The following CSNK2A1 variants were observed in gnomAD, a reference collection of about 807,000 sequenced individuals.
CSNK2A1 encodes the protein casein kinase 2 alpha 1, also known as casein kinase II subunit alpha.
In CSNK2A1, 10 loss-of-function variants were observed where a neutral mutation model predicts 62.9. The ratio of observed to expected loss-of-function variants is 0.16; its 90% CI spans 0.10 to 0.27. The LOEUF is 0.27. Among genes scored for constraint, CSNK2A1 ranks in the 10% least tolerant of loss-of-function variants. The pLI, the probability that CSNK2A1 is intolerant of heterozygous loss-of-function variation, is 1.00. For missense variants in CSNK2A1, 160 were observed against 492.0 expected, an observed-to-expected ratio of 0.33 and a Z score of 6.38; for synonymous variants, 124 against 167.8, an observed-to-expected ratio of 0.74 and a Z score of 2.02.
At position 472,992 on chromosome 20, in the gene CSNK2A1, A is replaced by C. The variant is rs1259020464; in HGVS notation, c.*10969T>G. On this transcript the variant is annotated 3_prime_UTR_variant, in exon 14 of 14. Transcript: ENST00000217244. ...CACTGCACTTCAGCCTGGGCAACAG[A>C]GCAAGACCTTGTCTCTAAAAAGTAA... The C allele has an allele frequency of 6.6e-6, 1 of 152,364 alleles. No individual in the cohort carries two copies. The highest frequency in any genetic ancestry group is 2.4e-5 in the African/African-American group (1 of 41,456). The allele number at this position is 152,364 out of a possible 1,614,324, so 9.4% of individuals were successfully genotyped here.
At chr20:486,334 G>T (rs1333186330) in intron 13 of CSNK2A1, 42 bp downstream of exon 13, 1 of 1,608,560 alleles carries the variant, frequency 6.2e-7, no homozygotes, top group South Asian at 1.1e-5. Flanking sequence ...AACAGTAATT[G>T]ACTTCCACAT....
chr20:531,561 T>G (rs374072404), intron 1 of CSNK2A1, among the ~76,000 whole-genome samples: 1 of 152,136 alleles, frequency 6.6e-6, no homozygotes. Context: ...TAAAGCAGCA[T>G]GTACATGTAC....
At chr20:515,138 G>A (rs537649553) in intron 2 of CSNK2A1, among the ~76,000 whole-genome samples, 2 of 152,320 alleles carry the variant, frequency 1.3e-5, no homozygotes, top group East Asian at 1.9e-4. Flanking sequence ...AGTAGCACAC[G>A]TGAGAGAAAT....
chr20:541,618 A>C (rs1403939343), intron 1 of CSNK2A1, among the ~76,000 whole-genome samples: 5 of 152,208 alleles, frequency 3.3e-5, no homozygotes, highest in African/African-American at 1.2e-4. Flanking sequence ...ATGGAAAAGG[A>C]GTTGCCACCT....
intron 2 of CSNK2A1, among the ~76,000 whole-genome samples, chr20:516,379 T>G (rs1242132786): frequency 6.6e-6 from 1 of 152,302 alleles, no homozygotes; most frequent in African/African-American, 2.4e-5. Context: ...ACGAAAAAAG[T>G]ATCATGTCAA....
chr20:490,321 C>CTGGCTAGT (rs1184278352), intron 9 of CSNK2A1, among the ~76,000 whole-genome samples: 3 of 111,876 alleles, frequency 2.7e-5, no homozygotes, highest in Non-Finnish European at 5.5e-5. Flanking sequence ...CCCACCGTGC[C>CTGGCTAGT]TGGCTAGTTT....
At chr20:525,809 G>A (rs964011941) in intron 2 of CSNK2A1, among the ~76,000 whole-genome samples, 1 of 137,720 alleles carries the variant, frequency 7.3e-6, no homozygotes, top group Non-Finnish European at 1.5e-5. Flanking sequence ...GTGAGACCCT[G>A]TCTCTATTTT....
intron 2 of CSNK2A1, among the ~76,000 whole-genome samples, chr20:509,382 T>C (rs1476583663): frequency 6.6e-6 from 1 of 152,098 alleles, no homozygotes; most frequent in Non-Finnish European, 1.5e-5. Flanking sequence ...CGGGGGAAAA[T>C]AAGTAAGATG....
intron 1 of CSNK2A1, among the ~76,000 whole-genome samples, chr20:535,378 C>T (rs2122651957): frequency 6.6e-6 from 1 of 152,300 alleles, no homozygotes; most frequent in East Asian, 1.9e-4. Context: ...AATTGCTAGG[C>T]AATAGTCTAT....
Position 528,056 on chromosome 20 carries a change from A to G in CSNK2A1, c.-226-7T>C, listed in dbSNP as rs1325757753. On this transcript the variant is annotated splice_region_variant and splice_polypyrimidine_tract_variant and intron_variant, in intron 1 of 13. Transcript: ENST00000217244. ...TTGACAAGCCTTGATAGAGCTACAAAAACAGTTCAGTACTCCGTTACTGAA... is the reference window on the plus strand; with the variant it reads ...TTGACAAGCCTTGATAGAGCTACAAGAACAGTTCAGTACTCCGTTACTGAA... 6.6e-6 allele frequency: 1 copy of G among 152,176 alleles called. No individual in the cohort carries two copies. Among genetic ancestry groups the G allele is most frequent in the Non-Finnish European group, 1.5e-5 (1 of 68,042 alleles). The allele number at this position is 152,176 out of a possible 1,614,324, so 9.4% of individuals were successfully genotyped here.
At position 473,126 on chromosome 20, in the gene CSNK2A1, G is replaced by C. The variant is rs1309310002; in HGVS notation, c.*10835C>G. On this transcript the variant is annotated 3_prime_UTR_variant, in exon 14 of 14. Transcript: ENST00000217244. Reference sequence around the variant, plus strand: ...CACCTTGGACTGAGGGTGCAGGCTGGCCTGCCAGAGGGATTTTCTCCTTCC... The same window carrying C: ...CACCTTGGACTGAGGGTGCAGGCTGCCCTGCCAGAGGGATTTTCTCCTTCC... The C allele has an allele frequency of 6.6e-6, 1 of 152,588 alleles. No homozygotes were observed. Among genetic ancestry groups the C allele is most frequent in the Non-Finnish European group, 1.5e-5 (1 of 68,314 alleles). 9.5% of individuals were successfully genotyped at this position (152,588 alleles called of 1,614,324 possible).
chr20:506,738 T>C (rs1021801941), intron 3 of CSNK2A1: 2 of 152,096 alleles, frequency 1.3e-5, no homozygotes, highest in Non-Finnish European at 2.9e-5. Context: ...ATGGACAACA[T>C]AATAATCATG....
At chr20:486,035 A>G (rs536715772) in intron 13 of CSNK2A1, among the ~76,000 whole-genome samples, 7 of 151,976 alleles carry the variant, frequency 4.6e-5, no homozygotes, top group African/African-American at 1.5e-4. Flanking sequence ...CCACCTCTAT[A>G]CCCCATTTCT....
intron 12 of CSNK2A1, chr20:487,100 T>C (rs2018116856): frequency 3.5e-6 from 1 of 285,670 alleles, no homozygotes; most frequent in South Asian, 7.7e-5. Context: ...CCTCATTAGC[T>C]CTTTCCAACG....
intron 7 of CSNK2A1, among the ~76,000 whole-genome samples, chr20:496,887 T>C (rs1007231643): frequency 1.3e-5 from 2 of 152,176 alleles, no homozygotes; most frequent in Admixed American, 1.3e-4. Flanking sequence ...CAATTACCCT[T>C]TGAGAACTGA....
intron 1 of CSNK2A1, among the ~76,000 whole-genome samples, chr20:532,457 G>A (rs778139702): frequency 4.6e-5 from 7 of 150,978 alleles, no homozygotes; most frequent in Admixed American, 1.3e-4. Flanking sequence ...GATTACAGGT[G>A]TGAGCCACTG....
chr20:537,334 C>A (rs191697411), intron 1 of CSNK2A1, among the ~76,000 whole-genome samples: 1 of 152,060 alleles, frequency 6.6e-6, no homozygotes, highest in African/African-American at 2.4e-5. Context: ...AGAAGCTTGC[C>A]GACCATAGCA....
chr20:528,083 G>A (rs1252436312), intron 1 of CSNK2A1, 34 bp from the exon 2 acceptor site: 1 of 152,164 alleles, frequency 6.6e-6, no homozygotes, highest in African/African-American at 2.4e-5. Flanking sequence ...GTTACTGAAA[G>A]GATCTTGGAT....
intron 9 of CSNK2A1, among the ~76,000 whole-genome samples, chr20:491,894 A>G (rs868176119): frequency 4.6e-5 from 7 of 152,246 alleles, no homozygotes; most frequent in Admixed American, 6.5e-5. Flanking sequence ...ACTGCACTGC[A>G]GCCTGGGCGA....
Sources: allele counts gnomAD v4.1 joint callset (sites outside exome capture counted in the v4.1 genomes callset), GRCh38; gene constraint gnomAD v4.1.1; transcripts MANE v1.5; gene names NCBI Gene and HGNC (gene_info 2026-07-23, HGNC 2026-07-21).